TMEM114: variants seen among roughly 807,000 people sequenced by gnomAD.
TMEM114 encodes claudin-26.
In TMEM114, 6 loss-of-function variants were observed where a neutral mutation model predicts 6.2. The ratio of observed to expected loss-of-function variants is 0.97; its 90% CI spans 0.53 to 1.91. The LOEUF is 1.91. Ranked by LOEUF, TMEM114 falls within the 40% of genes most tolerant of loss-of-function variation. The pLI is 0.01. For missense variants in TMEM114, 218 were observed against 158.3 expected, an observed-to-expected ratio of 1.38 and a Z score of -2.02; for synonymous variants, 104 against 73.0, an observed-to-expected ratio of 1.42 and a Z score of -2.16.
At chr16:8,583,474 G>A (rs1902220130) in intron 2 of TMEM114, among the ~76,000 whole-genome samples, 1 of 152,212 alleles carries the variant, frequency 6.6e-6, no homozygotes, top group African/African-American at 2.4e-5. Flanking sequence ...GCCGAGCACA[G>A]TGGTTCAGGC....
chr16:8,548,814 T>G (rs1900753194), intron 2 of TMEM114, among the ~76,000 whole-genome samples: 1 of 152,014 alleles, frequency 6.6e-6, no homozygotes, highest in Non-Finnish European at 1.5e-5. Flanking sequence ...GGAGCTACTG[T>G]TAAAAAGAAA....
chr16:8,532,171 T>C, the TMEM114 span, among the ~76,000 whole-genome samples: 6 of 152,336 alleles, frequency 3.9e-5, no homozygotes, highest in South Asian at 1.2e-3. Context: ...AATGTGCTAA[T>C]ATAAATTTTT....
rs116294155 is a variant in TMEM114 at position 8,575,544 on chromosome 16, C to T, written c.302-3320G>A. 4.0e-3 allele frequency among the ~76,000 whole-genome samples: 610 copies of T among 152,296 alleles called. 4 individuals carry two copies. Among genetic ancestry groups the T allele is most frequent in the African/African-American group, 0.014 (586 of 41,560 alleles). On this transcript the variant is annotated intron_variant, in intron 2 of 3. Coordinates refer to ENST00000620492, the MANE Select transcript of TMEM114 (RefSeq NM_001146336.2). Reference sequence around the variant, plus strand: ...CACCACACTTCTCCGTTTATTGTTTCAGTAAACAATGATGCAACACCTGCC... The same window carrying T: ...CACCACACTTCTCCGTTTATTGTTTTAGTAAACAATGATGCAACACCTGCC...
At chr16:8,558,084 T>C (rs1308814691) in intron 2 of TMEM114, among the ~76,000 whole-genome samples, 2 of 151,976 alleles carry the variant, frequency 1.3e-5, no homozygotes, top group South Asian at 4.1e-4. Context: ...TGAAACCCCA[T>C]CTCTACTAAA....
At chr16:8,533,776 C>G (rs1450135353), downstream of TMEM114, among the ~76,000 whole-genome samples, 1 of 152,126 alleles carries the variant, frequency 6.6e-6, no homozygotes, top group African/African-American at 2.4e-5. Context: ...ACCAGCTTAC[C>G]GAAAATCACA....
At chr16:8,566,801 G>T, downstream of TMEM114, among the ~76,000 whole-genome samples, 1 of 152,064 alleles carries the variant, frequency 6.6e-6, no homozygotes, top group East Asian at 1.9e-4. Flanking sequence ...TTCTTCATGC[G>T]GGTCTCAGCA....
At chr16:8,566,099 G>C (rs921086559), downstream of TMEM114, among the ~76,000 whole-genome samples, 1 of 152,124 alleles carries the variant, frequency 6.6e-6, no homozygotes, top group Non-Finnish European at 1.5e-5. Flanking sequence ...GGCCAGGCAC[G>C]GTGGCTCACG....
Position 8,548,749 on chromosome 16 carries a change from C to CT in TMEM114, n.213-10924dup, listed in dbSNP as rs1397489874. 3.5e-5 allele frequency among the ~76,000 whole-genome samples: 5 copies of CT among 144,390 alleles called. No individual in the cohort carries two copies. The East Asian group carries it at 5.8e-4, about 17-fold the overall frequency. 94.7% of individuals were successfully genotyped at this position (144,390 alleles called of 152,430 possible). ...CATATATGGAAAATACTTTGTTTTA[C>CT]TTTAACTGACAGAAATGACCATGTG... On this transcript the variant is annotated intron_variant and non_coding_transcript_variant, in intron 2 of 2. Transcript: ENST00000623677.
chr16:8,548,312 G>A (rs543963838), intron 2 of TMEM114, among the ~76,000 whole-genome samples: 1 of 152,260 alleles, frequency 6.6e-6, no homozygotes, highest in South Asian at 2.1e-4. Flanking sequence ...CAGTGTGCCT[G>A]ACCCATAGCA....
At chr16:8,533,228 G>A, downstream of TMEM114, among the ~76,000 whole-genome samples, 1 of 152,186 alleles carries the variant, frequency 6.6e-6, no homozygotes, top group Admixed American at 6.5e-5. Flanking sequence ...TGAGATGAAG[G>A]GATTACTTTC....
chr16:8,552,201 C>T (rs4553612), intron 2 of TMEM114, among the ~76,000 whole-genome samples: 1 of 150,328 alleles, frequency 6.7e-6, no homozygotes, highest in Admixed American at 6.6e-5. Context: ...ACAGCAAGAC[C>T]CTATCTCTGC....
intron 2 of TMEM114, among the ~76,000 whole-genome samples, chr16:8,572,920 T>C (rs766863107): frequency 3.7e-4 from 57 of 152,204 alleles, no homozygotes; most frequent in Non-Finnish European, 8.1e-4. Flanking sequence ...CTGTGGTCCT[T>C]AGCATGGCAT....
At chr16:8,536,645 T>C (rs1900368556), downstream of TMEM114, among the ~76,000 whole-genome samples, 1 of 152,192 alleles carries the variant, frequency 6.6e-6, no homozygotes, top group Non-Finnish European at 1.5e-5. Context: ...TCTTTTTCTT[T>C]TTCTTTTTTT....
the TMEM114 span, among the ~76,000 whole-genome samples, chr16:8,532,307 G>A: frequency 6.6e-6 from 1 of 152,156 alleles, no homozygotes; most frequent in Non-Finnish European, 1.5e-5. Context: ...CTAGCCCTCT[G>A]TGTAAACTTG....
the TMEM114 span, among the ~76,000 whole-genome samples, chr16:8,530,485 T>C: frequency 6.6e-6 from 1 of 151,814 alleles, no homozygotes; most frequent in African/African-American, 2.4e-5. Flanking sequence ...GAGCAATAGC[T>C]AATGTAGCCA....
At chr16:8,546,026 G>T (rs982190375) in intron 2 of TMEM114, among the ~76,000 whole-genome samples, 1 of 152,058 alleles carries the variant, frequency 6.6e-6, no homozygotes, top group East Asian at 1.9e-4. Flanking sequence ...GAGGCGGGAG[G>T]ATCACTTGAG....
intron 2 of TMEM114, among the ~76,000 whole-genome samples, chr16:8,562,526 T>TGAGTGAGTGAGTGAGTGAGTGAGTGAGTG (rs1465142445): frequency 7.9e-6 from 1 of 127,142 alleles, no homozygotes. Context: ...ATGAGTGAGT[T>TGAGTGAGTGAGTGAGTGAGTGAGTGAGTG]AATGAGTGAG....
downstream of TMEM114, among the ~76,000 whole-genome samples, chr16:8,565,237 C>T (rs1901501922): frequency 6.6e-6 from 1 of 152,092 alleles, no homozygotes. Context: ...ATGAATGAAG[C>T]ATGGGACAGG....
chr16:8,587,868 G>A (rs1902363095), intron 2 of TMEM114, among the ~76,000 whole-genome samples: 1 of 151,334 alleles, frequency 6.6e-6, no homozygotes, highest in Non-Finnish European at 1.5e-5. Context: ...GGAGGGAGAA[G>A]GCCAGGCACA....
Sources: gnomAD v4.1 joint callset for allele counts (sites outside exome capture counted in the v4.1 genomes callset) on GRCh38, gnomAD v4.1.1 for gene constraint, MANE v1.5 for transcripts, NCBI Gene and HGNC (gene_info 2026-07-23, HGNC 2026-07-21) for gene names.